The following ZC3H12B variants were observed in gnomAD, a reference collection of about 807,000 sequenced individuals.
ZC3H12B encodes the protein probable ribonuclease ZC3H12B.
In ZC3H12B, 7 loss-of-function variants were observed where a neutral mutation model predicts 43.9. The observed-to-expected ratio is 0.16, with a 90% confidence interval of 0.09 to 0.30. ZC3H12B has a LOEUF of 0.30. Among genes scored for constraint, ZC3H12B ranks in the 10% least tolerant of loss-of-function variants. The probability of loss-of-function intolerance (pLI) is 1.00; values close to 1 mark genes in which losing one functional copy is unlikely to be tolerated. For synonymous variants in ZC3H12B, 222 were observed against 241.7 expected (o/e 0.92, Z 0.76); for missense variants, 475 against 670.2 (o/e 0.71, Z 3.22).
chrX:65,089,495 G>A, the ZC3H12B span, among the ~76,000 whole-genome samples: 2 of 111,939 alleles, frequency 1.8e-5, no homozygotes, highest in African/African-American at 6.5e-5. Context: ...CGAGTGAGTG[G>A]TGAATGAATG....
the ZC3H12B span, among the ~76,000 whole-genome samples, chrX:65,341,962 A>G: frequency 2.7e-5 from 3 of 111,528 alleles, no homozygotes; most frequent in African/African-American, 9.8e-5. Context: ...TAAATGTCAC[A>G]GAGTGGCTAC....
chrX:65,383,814 A>C (rs1448227369), intron 2 of ZC3H12B, among the ~76,000 whole-genome samples: 1 of 111,162 alleles, frequency 9.0e-6, no homozygotes, highest in Non-Finnish European at 1.9e-5. Context: ...CAAAACCACA[A>C]TGAGACACCA....
exon 5 of ZC3H12B, chrX:65,502,351 C>T: frequency 8.3e-6 from 10 of 1,211,444 alleles, no homozygotes; most frequent in Non-Finnish European, 1.1e-5. Context: ...TGTTAGGTGA[C>T]TTCTCCAAAC....
chrX:65,483,824 G>C (rs1308526305), upstream of ZC3H12B, among the ~76,000 whole-genome samples: 7 of 111,316 alleles, frequency 6.3e-5, no homozygotes, highest in Non-Finnish European at 1.3e-4. Context: ...CATCCTTTAG[G>C]TCCCACTTAT....
intron 3 of ZC3H12B, among the ~76,000 whole-genome samples, chrX:65,418,545 G>A (rs899110738): frequency 9.0e-6 from 1 of 111,504 alleles, no homozygotes; most frequent in Non-Finnish European, 1.9e-5. Context: ...ACTTCCAAAG[G>A]CAAAGTGGGT....
the ZC3H12B span, among the ~76,000 whole-genome samples, chrX:65,149,804 A>C: frequency 2.0e-4 from 20 of 98,890 alleles, no homozygotes; most frequent in Admixed American, 4.3e-4. Context: ...TAATAATAAT[A>C]ATAATAATAA....
At chrX:65,200,257 G>C in the ZC3H12B span, among the ~76,000 whole-genome samples, 4 of 110,541 alleles carry the variant, frequency 3.6e-5, no homozygotes, top group Admixed American at 3.9e-4. Flanking sequence ...GTCTTCTTTT[G>C]AGAAGTGTCT....
At chrX:65,099,200 C>A in the ZC3H12B span, among the ~76,000 whole-genome samples, 1 of 111,886 alleles carries the variant, frequency 8.9e-6, no homozygotes, top group Non-Finnish European at 1.9e-5. Context: ...GAAAGAAAGG[C>A]AGCAACCTCA....
chrX:65,096,207 G>C, the ZC3H12B span, among the ~76,000 whole-genome samples: 18 of 93,663 alleles, frequency 1.9e-4, no homozygotes, highest in African/African-American at 6.7e-4. Context: ...CACACACTGG[G>C]GCCTGTCGGG....
At chrX:65,314,858 A>G in the ZC3H12B span, among the ~76,000 whole-genome samples, 10 of 111,033 alleles carry the variant, frequency 9.0e-5, no homozygotes, top group African/African-American at 3.3e-4. Flanking sequence ...ACTTTAATAT[A>G]AAAGAGAATA....
the ZC3H12B span, among the ~76,000 whole-genome samples, chrX:65,038,154 C>A: frequency 9.0e-6 from 1 of 111,176 alleles, no homozygotes; most frequent in African/African-American, 3.3e-5. Flanking sequence ...CAGAAATTCA[C>A]ATATTAGAAT....
chrX:65,216,964 A>G, the ZC3H12B span, among the ~76,000 whole-genome samples: 1 of 111,529 alleles, frequency 9.0e-6, no homozygotes, highest in African/African-American at 3.3e-5. Flanking sequence ...AGTAGCAGCC[A>G]CAGGCCTTAG....
At chrX:65,190,270 T>C in the ZC3H12B span, among the ~76,000 whole-genome samples, 3 of 110,746 alleles carry the variant, frequency 2.7e-5, no homozygotes, top group African/African-American at 9.9e-5. Context: ...AGGATTGACT[T>C]GGCAATGCGG....
At chrX:65,232,372 C>T in the ZC3H12B span, among the ~76,000 whole-genome samples, 25 of 111,639 alleles carry the variant, frequency 2.2e-4, no homozygotes, top group Admixed American at 1.5e-3. Flanking sequence ...CTGGTCCCTC[C>T]GTTCGGGGTC....
the ZC3H12B span, among the ~76,000 whole-genome samples, chrX:65,257,641 GA>G: frequency 9.1e-6 from 1 of 110,022 alleles, no homozygotes; most frequent in Non-Finnish European, 1.9e-5. Context: ...TAGACTGCCA[GA>G]TAGACTAATA....
chrX:65,076,034 T>A, the ZC3H12B span, among the ~76,000 whole-genome samples: 1 of 112,158 alleles, frequency 8.9e-6, no homozygotes, highest in African/African-American at 3.2e-5. Flanking sequence ...GTATTTTTGC[T>A]TGTTGACTTG....
the ZC3H12B span, among the ~76,000 whole-genome samples, chrX:65,148,904 C>G: frequency 1.7e-4 from 19 of 111,796 alleles, no homozygotes; most frequent in East Asian, 4.2e-3. Flanking sequence ...ATGTCTGGAC[C>G]TGTCAGTGCT....
the ZC3H12B span, among the ~76,000 whole-genome samples, chrX:65,191,778 G>T: frequency 1.8e-5 from 2 of 109,238 alleles, no homozygotes; most frequent in Non-Finnish European, 3.8e-5. Flanking sequence ...TTTTTTGAAG[G>T]GTTTTTTATG....
At chrX:65,349,712 G>T in the ZC3H12B span, among the ~76,000 whole-genome samples, 4 of 111,633 alleles carry the variant, frequency 3.6e-5, no homozygotes, top group African/African-American at 1.3e-4. Flanking sequence ...TACTATCAAA[G>T]AATACTATAA....
Sources: allele counts gnomAD v4.1 joint callset (sites outside exome capture counted in the v4.1 genomes callset), GRCh38; gene constraint gnomAD v4.1.1; transcripts MANE v1.5; gene names NCBI Gene and HGNC (gene_info 2026-07-23, HGNC 2026-07-21).